LRRC53: variants seen among roughly 807,000 people sequenced by gnomAD.
LRRC53 encodes leucine rich repeat containing 53.
LRRC53 carries 25 observed loss-of-function variants against 13.6 expected under a neutral mutation model. That is an observed-to-expected ratio of 1.83 (90% CI 1.34 to 2.56). The LOEUF (loss-of-function observed/expected upper bound fraction) is 2.56, where lower values mean the gene tolerates loss of function less well. Ranked by LOEUF, LRRC53 falls within the 30% of genes most tolerant of loss-of-function variation. The pLI is 0.00. For missense variants in LRRC53, 527 were observed against 275.8 expected (o/e 1.91, Z -6.45); for synonymous variants, 204 against 109.8 (o/e 1.86, Z -5.37).
Position 74,501,119 on chromosome 1 carries a change from A to G in LRRC53, c.-27+11407T>C, listed in dbSNP as rs531195550. Among the ~76,000 whole-genome samples the G allele has an allele frequency of 2.0e-5, 3 of 151,488 alleles. No individual in the cohort carries two copies. In the East Asian group the frequency reaches 5.8e-4, roughly 29 times the overall value. On this transcript the variant is annotated intron_variant, in intron 1 of 4. Coordinates refer to ENST00000294635, the MANE Select transcript of LRRC53 (RefSeq NM_001382280.1). ...AGTTGGATATTTTTTAAAGTTTCTC[A>G]CTCTATTTTCCACATTTCTCAATCT...
the LRRC53 span, among the ~76,000 whole-genome samples, chr1:74,536,416 G>A: frequency 4.4e-4 from 67 of 152,042 alleles, no homozygotes; most frequent in Non-Finnish European, 8.2e-4. Flanking sequence ...TACCCCTAAA[G>A]CATGAATTAA....
At chr1:74,519,509 AG>A in the LRRC53 span, among the ~76,000 whole-genome samples, 2 of 148,910 alleles carry the variant, frequency 1.3e-5, no homozygotes, top group South Asian at 2.1e-4. Flanking sequence ...ACAGTGTAAA[AG>A]TGTTCCTATT....
Position 74,474,457 on chromosome 1 carries a change from G to A in LRRC53, c.1420+838C>T, listed in dbSNP as rs375341542. On this transcript the variant is annotated intron_variant, in intron 4 of 4. Coordinates refer to ENST00000294635, the MANE Select transcript of LRRC53 (RefSeq NM_001382280.1). ...CATATGGTTTTATTCTTATCCAGTC[G>A]CCCCAAAATGCATCCTTAGGGCCAG... is the stretch of plus-strand genomic sequence containing the variant. Among the ~76,000 whole-genome samples the A allele has an allele frequency of 1.5e-4, 23 of 151,998 alleles. No individual in the cohort carries two copies. The South Asian group carries it at 2.7e-3, about 18-fold the overall frequency.
rs760316640 is a variant in LRRC53 at position 74,475,706 on chromosome 1, C to A, written c.1009G>T (p.Asp337Tyr). 1.0e-5 allele frequency: 7 copies of A among 702,792 alleles called. No individual in the cohort carries two copies. In the South Asian group the frequency reaches 1.1e-4, roughly 11 times the overall value. 43.5% of individuals were successfully genotyped at this position (702,792 alleles called of 1,614,324 possible). Reference sequence around the variant, plus strand: ...GCCTCATGAGCACACAGGGGTTCATCGAAGGTTCTGCAACAAAGGTTTTCT... The same window carrying A: ...GCCTCATGAGCACACAGGGGTTCATAGAAGGTTCTGCAACAAAGGTTTTCT... ...TSENLCCRTF[D>Y]EPLCAHEARN... is the part of the protein sequence containing the mutation. The change falls in exon 4 of 5, where the codon GAT becomes TAT. Residue 337 changes from aspartate to tyrosine, a missense_variant. Transcript: ENST00000294635.
At position 74,470,114 on chromosome 1, in the gene LRRC53, T is replaced by G. The variant is rs1667851712; in HGVS notation, c.3508A>C (p.Arg1170=). 2.5e-6 allele frequency: 1 copy of G among 400,632 alleles called. No homozygotes were observed. 24.8% of individuals were successfully genotyped at this position (400,632 alleles called of 1,614,324 possible). ...TCTGGTTGAATATTTTGAACTTCTC[T>G]AAAATTATGTACATTACTGTTAACT... ...PEVNSNVHNF[R]EVQNIQPDKD... Residue 1170 remains arginine (R), a synonymous_variant, in exon 5 of 5, where the codon AGA becomes CGA. Transcript: ENST00000294635.
At position 74,472,004 on chromosome 1, in the gene LRRC53, C is replaced by T. The variant is rs1022784046; in HGVS notation, c.1618G>A (p.Val540Ile). 53 of 675,610 alleles carry T rather than the reference C, an allele frequency of 7.8e-5. No homozygotes were observed. Among genetic ancestry groups the T allele is most frequent in the African/African-American group, 7.8e-4 (43 of 55,246 alleles). 41.9% of individuals were successfully genotyped at this position (675,610 alleles called of 1,614,324 possible). ...SKPCEPEEHY[V>I]QKIVQKNRSK... The stretch of plus-strand genomic sequence containing the variant: ...CTATTTTTTTGTACGATCTTTTGTA[C>T]ATAGTGTTCCTCAGGCTCACAAGGC... Residue 540 changes from valine to isoleucine, a missense_variant, in exon 5 of 5, where the codon GTA (valine) becomes ATA (isoleucine). Val to Ile is a conservative substitution (Grantham distance 29). Coordinates refer to ENST00000294635, the MANE Select transcript of LRRC53 (RefSeq NM_001382280.1).
chr1:74,475,414 G>T lies in LRRC53; in HGVS notation c.1301C>A (p.Ala434Asp). ...TGTAAGTAAGCCTGCTTCATTAAAA[G>T]CTCTCATATTTCCAGGAGGCTCTGA... ...ECSEPPGNMR[A>D]FNEAGLLTTY... Residue 434 changes from alanine (A) to aspartate (D), a missense_variant, in exon 4 of 5, where the codon GCT becomes GAT. By Grantham distance (126) the Ala-to-Asp change is moderately radical. Transcript: ENST00000294635. The T allele has an allele frequency of 1.4e-6, 1 of 717,080 alleles. No individual in the cohort carries two copies. 44.4% of individuals were successfully genotyped at this position (717,080 alleles called of 1,614,324 possible). A position where few individuals can be genotyped will look rare whatever the true frequency, so the allele number is the denominator to read the frequency against.
chr1:74,507,149 ATCCAAGTTCTTTAAATATAGG>A (rs1669945589), intron 1 of LRRC53, among the ~76,000 whole-genome samples: 1 of 152,050 alleles, frequency 6.6e-6, no homozygotes, highest in South Asian at 2.1e-4. Context: ...GGCAAGCACA[ATCCAAGTTCTTTAAATATAGG>A]TCCAGGAAAA....
chr1:74,495,552 T>C (rs2100319808), intron 1 of LRRC53, among the ~76,000 whole-genome samples: 1 of 152,308 alleles, frequency 6.6e-6, no homozygotes, highest in South Asian at 2.1e-4. Context: ...TAAATACCTG[T>C]CACTATTGAA....
At chr1:74,489,970 TAGAG>T (rs1344851779) in intron 1 of LRRC53, among the ~76,000 whole-genome samples, 1 of 128,678 alleles carries the variant, frequency 7.8e-6, no homozygotes, top group African/African-American at 3.0e-5. Flanking sequence ...GGGGCAACAA[TAGAG>T]AGAAATAGCA....
chr1:74,477,249 CT>C (rs1668249983), intron 3 of LRRC53, among the ~76,000 whole-genome samples: 1 of 152,070 alleles, frequency 6.6e-6, no homozygotes, highest in Non-Finnish European at 1.5e-5. Flanking sequence ...TATTCTGACA[CT>C]TTTCTTGGGT....
rs768789550 is a variant in LRRC53, at chr1:74,475,427, CA to C, written c.1287del (p.Gly430GlufsTer3). ...RLLHSECSEP[P>X]GNMRAFNEAG... ...GCTTCATTAAAAGCTCTCATATTTC[CA>C]GGAGGCTCTGAACATTCCGAATGCA... On this transcript the variant is annotated frameshift_variant, in exon 4 of 5. Transcript: ENST00000294635. LOFTEE classifies it high-confidence loss of function. 1.1e-4 allele frequency: 76 copies of C among 716,952 alleles called. No individual in the cohort carries two copies. The highest frequency in any genetic ancestry group is 1.6e-4 in the Non-Finnish European group (60 of 384,878). 44.4% of individuals were successfully genotyped at this position (716,952 alleles called of 1,614,324 possible). A position where few individuals can be genotyped will look rare whatever the true frequency, so the allele number is the denominator to read the frequency against.
At chr1:74,517,867 C>G in the LRRC53 span, among the ~76,000 whole-genome samples, 142,884 of 152,232 alleles carry the variant, frequency 0.94, 67,180 homozygotes, top group Middle Eastern at 0.97. Context: ...TTCAGCAGGT[C>G]TGATGTAGAG....
the LRRC53 span, among the ~76,000 whole-genome samples, chr1:74,536,244 G>A: frequency 6.6e-6 from 1 of 152,006 alleles, no homozygotes; most frequent in African/African-American, 2.4e-5. Context: ...TCTTTACCTA[G>A]GGTGCATTAA....
chr1:74,471,873 T>G lies in LRRC53; in HGVS notation c.1749A>C (p.Glu583Asp), dbSNP rs532100777. Reference protein sequence around the residue: ...ICKYVPCEQFEDYMKEKKPNR... With the variant: ...ICKYVPCEQFDDYMKEKKPNR... Reference sequence around the variant, plus strand: ...TTGGCTTCTTTTCTTTCATGTAATCTTCAAATTGCTCACAGGGCACATATT... The same window carrying G: ...TTGGCTTCTTTTCTTTCATGTAATCGTCAAATTGCTCACAGGGCACATATT... The change falls in exon 5 of 5, where the codon GAA becomes GAC. Residue 583 changes from glutamate (E) to aspartate (D), a missense_variant. Physicochemically the swap from Glu to Asp is conservative, Grantham distance 45. Transcript: ENST00000294635. The G allele has an allele frequency of 2.2e-6, 1 of 455,602 alleles. No individual in the cohort carries two copies. Among genetic ancestry groups the G allele is most frequent in the Admixed American group, 4.1e-5 (1 of 24,560 alleles). 28.2% of individuals were successfully genotyped at this position (455,602 alleles called of 1,614,324 possible).
At chr1:74,485,265 A>G (rs1267247717) in intron 1 of LRRC53, among the ~76,000 whole-genome samples, 1 of 152,224 alleles carries the variant, frequency 6.6e-6, no homozygotes, top group African/African-American at 2.4e-5. Context: ...TTCCATGGGC[A>G]GAGAATAAGC....
chr1:74,472,219 C>T lies in LRRC53; in HGVS notation c.1421-18G>A. 1.4e-6 allele frequency: 1 copy of T among 715,646 alleles called. No individual in the cohort carries two copies. The highest frequency in any genetic ancestry group is 2.6e-6 in the Non-Finnish European group (1 of 384,162). 44.3% of individuals were successfully genotyped at this position (715,646 alleles called of 1,614,324 possible). On this transcript the variant is annotated intron_variant, in intron 4 of 4. Coordinates refer to ENST00000294635, the MANE Select transcript of LRRC53 (RefSeq NM_001382280.1). ...GCTGATATCTGTGGAACAATAAATGCAAGAATTTAGCACTTAGCAGAGTTT... is the reference window on the plus strand; with the variant it reads ...GCTGATATCTGTGGAACAATAAATGTAAGAATTTAGCACTTAGCAGAGTTT...
In LRRC53 at chr1:74,472,172, A is replaced by T; in HGVS notation, c.1450T>A (p.Tyr484Asn). ...GCCAAGGCTGAAGCGGGTGTTGCAT[A>T]TCTTCTTCTAAATATGTCACTGCTG... Reference protein sequence around the residue: ...DISSDIFRRRYATPASALAGE... With the variant: ...DISSDIFRRRNATPASALAGE... The change falls in exon 5 of 5, where the codon TAT becomes AAT. Residue 484 changes from tyrosine (Y) to asparagine (N), a missense_variant. By Grantham distance (143) the Tyr-to-Asn change is moderately radical. Transcript: ENST00000294635. The T allele has an allele frequency of 1.4e-6, 1 of 716,974 alleles. No homozygotes were observed. Among genetic ancestry groups the T allele is most frequent in the Non-Finnish European group, 2.6e-6 (1 of 384,724 alleles). 44.4% of individuals were successfully genotyped at this position (716,974 alleles called of 1,614,324 possible).
chr1:74,480,996 G>T, intron 2 of LRRC53, 28 bp from the exon 3 acceptor site: 1 of 689,334 alleles, frequency 1.5e-6, no homozygotes, highest in East Asian at 2.7e-5. Context: ...CAGACTAGAT[G>T]CAGGGTACAC....
Sources: gnomAD v4.1 joint callset for allele counts (sites outside exome capture counted in the v4.1 genomes callset) on GRCh38, gnomAD v4.1.1 for gene constraint, MANE v1.5 for transcripts, NCBI Gene and HGNC (gene_info 2026-07-23, HGNC 2026-07-21) for gene names.